Variants in DOCK10 observed in about 807,000 individuals in gnomAD.
The protein encoded by DOCK10 is dedicator of cytokinesis 10.
A neutral mutation model predicts 280.1 loss-of-function variants in DOCK10; 145 were observed. The observed-to-expected ratio is 0.52, with a 90% confidence interval of 0.45 to 0.59. DOCK10 has a LOEUF of 0.59. DOCK10 is among the 20% of genes least tolerant of loss of function. The pLI is 0.00. For synonymous variants in DOCK10, 915 were observed against 942.2 expected, an observed-to-expected ratio of 0.97 and a Z score of 0.53; for missense variants, 2,368 against 2,651.7, an observed-to-expected ratio of 0.89 and a Z score of 2.35.
intron 1 of DOCK10, among the ~76,000 whole-genome samples, chr2:224,955,621 G>A (rs1338122652): frequency 6.6e-6 from 1 of 152,228 alleles, no homozygotes; most frequent in African/African-American, 2.4e-5. Flanking sequence ...TTTGATTTAA[G>A]TGTTTAATGC....
chr2:224,936,012 G>A (rs973234746), intron 1 of DOCK10, among the ~76,000 whole-genome samples: 3 of 152,166 alleles, frequency 2.0e-5, no homozygotes, highest in Non-Finnish European at 4.4e-5. Flanking sequence ...GTAGGCTAGT[G>A]GAGATTATAC....
chr2:224,937,887 C>A (rs547018674), intron 1 of DOCK10, among the ~76,000 whole-genome samples: 3 of 152,274 alleles, frequency 2.0e-5, no homozygotes, highest in African/African-American at 7.2e-5. Context: ...TATCTTTCTG[C>A]AGCTCTGACC....
chr2:224,819,244 TC>T (rs1168903672), intron 29 of DOCK10, among the ~76,000 whole-genome samples: 3 of 152,194 alleles, frequency 2.0e-5, no homozygotes, highest in Non-Finnish European at 4.4e-5. Flanking sequence ...GTAAACACTT[TC>T]ATTCCACTCT....
chr2:225,012,686 C>G (rs1222607838), intron 1 of DOCK10, among the ~76,000 whole-genome samples: 2 of 152,130 alleles, frequency 1.3e-5, no homozygotes, highest in Non-Finnish European at 2.9e-5. Flanking sequence ...ATGCACATAA[C>G]TCATAATAAT....
chr2:224,911,294 G>C (rs1269986619), intron 3 of DOCK10, among the ~76,000 whole-genome samples: 1 of 152,124 alleles, frequency 6.6e-6, no homozygotes, highest in Non-Finnish European at 1.5e-5. Context: ...TTGTCAACTT[G>C]TCCTCAGCTG....
At chr2:224,815,277 C>A (rs2125287503) in intron 30 of DOCK10, among the ~76,000 whole-genome samples, 1 of 152,262 alleles carries the variant, frequency 6.6e-6, no homozygotes, top group South Asian at 2.1e-4. Context: ...TGAGGGCTCC[C>A]CAGCCATATG....
At chr2:225,037,425 G>A (rs1004738353) in intron 1 of DOCK10, among the ~76,000 whole-genome samples, 3 of 152,088 alleles carry the variant, frequency 2.0e-5, no homozygotes, top group African/African-American at 4.8e-5. Context: ...ACTGCATCTT[G>A]GATAGATCAA....
intron 45 of DOCK10, among the ~76,000 whole-genome samples, 193 bp downstream of exon 45, chr2:224,794,686 G>C (rs1692430666): frequency 6.6e-6 from 1 of 152,132 alleles, no homozygotes; most frequent in African/African-American, 2.4e-5. Context: ...GCCTTTATTT[G>C]ATATCATTTA....
At chr2:224,856,635 C>A (rs1697163750) in intron 15 of DOCK10, among the ~76,000 whole-genome samples, 1 of 152,172 alleles carries the variant, frequency 6.6e-6, no homozygotes, top group African/African-American at 2.4e-5. Flanking sequence ...TGGTTTGTTA[C>A]ACAGCAGTAA....
At chr2:224,887,314 A>G (rs75846633) in intron 4 of DOCK10, among the ~76,000 whole-genome samples, 1 of 152,186 alleles carries the variant, frequency 6.6e-6, no homozygotes, top group East Asian at 1.9e-4. Flanking sequence ...TACTGTGGCC[A>G]CTAGGCTGTG....
At chr2:224,773,542 C>T (rs927552516) in intron 52 of DOCK10, among the ~76,000 whole-genome samples, 195 bp from the exon 53 acceptor site, 4 of 152,146 alleles carry the variant, frequency 2.6e-5, no homozygotes, top group African/African-American at 9.7e-5. Context: ...TGCCCAAGCT[C>T]CTTTGACCTG....
intron 1 of DOCK10, among the ~76,000 whole-genome samples, chr2:224,958,352 C>T (rs769656158): frequency 1.1e-4 from 16 of 152,008 alleles, no homozygotes; most frequent in South Asian, 2.1e-4. Flanking sequence ...GCACCAGCTC[C>T]GGGCACAAAA....
chr2:224,892,959 T>C (rs1440483585), intron 4 of DOCK10, among the ~76,000 whole-genome samples: 1 of 152,226 alleles, frequency 6.6e-6, no homozygotes, highest in African/African-American at 2.4e-5. Flanking sequence ...CTATTGACTT[T>C]AAAATTCTTC....
chr2:224,826,985 A>G (rs552872606), intron 27 of DOCK10, among the ~76,000 whole-genome samples: 1 of 150,846 alleles, frequency 6.6e-6, no homozygotes, highest in African/African-American at 2.4e-5. Flanking sequence ...AAAATGGGCC[A>G]TGCGTGGTGG....
chr2:224,957,289 C>CCG (rs534733640), intron 1 of DOCK10, among the ~76,000 whole-genome samples: 5 of 146,360 alleles, frequency 3.4e-5, no homozygotes, highest in Middle Eastern at 3.4e-3. Context: ...CTTTCCGCCC[C>CCG]CCCCCGGCTT....
chr2:224,951,337 G>A (rs62188009), intron 1 of DOCK10, among the ~76,000 whole-genome samples: 33,906 of 151,826 alleles, frequency 0.22, 4,254 homozygotes, highest in Non-Finnish European at 0.28. Flanking sequence ...CATTTCTTAT[G>A]TAAGTATGTA....
At chr2:224,955,134 C>T (rs140614586) in intron 1 of DOCK10, among the ~76,000 whole-genome samples, 1 of 152,162 alleles carries the variant, frequency 6.6e-6, no homozygotes, top group Non-Finnish European at 1.5e-5. Flanking sequence ...CCTAAAATTG[C>T]CCTCCTGTAG....
chr2:224,899,064 G>A (rs1348905829), intron 3 of DOCK10, among the ~76,000 whole-genome samples: 4 of 151,920 alleles, frequency 2.6e-5, no homozygotes, highest in Non-Finnish European at 5.9e-5. Context: ...CCTTGCTGTG[G>A]TTCTCAAATG....
intron 55 of DOCK10, among the ~76,000 whole-genome samples, chr2:224,769,114 T>C (rs949961288): frequency 1.3e-5 from 2 of 152,198 alleles, no homozygotes; most frequent in African/African-American, 4.8e-5. Flanking sequence ...TATCAAGTCA[T>C]CTCTCCTGAG....
Sources: gnomAD v4.1 joint callset for allele counts (sites outside exome capture counted in the v4.1 genomes callset) on GRCh38, gnomAD v4.1.1 for gene constraint, MANE v1.5 for transcripts, NCBI Gene and HGNC (gene_info 2026-07-23, HGNC 2026-07-21) for gene names.